PARD3B: variants seen among roughly 807,000 people sequenced by gnomAD.
The protein encoded by PARD3B is partitioning defective 3 homolog B.
A neutral mutation model predicts 130.2 loss-of-function variants in PARD3B; 103 were observed. The ratio of observed to expected loss-of-function variants is 0.79; its 90% CI spans 0.67 to 0.93. The LOEUF is 0.93. PARD3B is among the 40% of genes least tolerant of loss of function. The pLI is 0.00. For synonymous variants in PARD3B, 583 were observed against 553.2 expected, an observed-to-expected ratio of 1.05 and a Z score of -0.76; for missense variants, 1,609 against 1,499.2, an observed-to-expected ratio of 1.07 and a Z score of -1.21.
chr2:204,904,357 A>G (rs1418082084), intron 2 of PARD3B, among the ~76,000 whole-genome samples: 1 of 152,170 alleles, frequency 6.6e-6, no homozygotes, highest in African/African-American at 2.4e-5. Flanking sequence ...TACCTTGTGC[A>G]TGTTTTTAAA....
intron 22 of PARD3B, among the ~76,000 whole-genome samples, chr2:205,600,743 G>A (rs1318128751): frequency 1.3e-5 from 2 of 152,190 alleles, no homozygotes; most frequent in African/African-American, 4.8e-5. Context: ...CTGTAAGTGA[G>A]AATATACGGT....
At chr2:205,027,337 T>C (rs1347251854) in intron 3 of PARD3B, among the ~76,000 whole-genome samples, 1 of 152,162 alleles carries the variant, frequency 6.6e-6, no homozygotes, top group Non-Finnish European at 1.5e-5. Context: ...TTTTTATATA[T>C]CTGTTGGCCA....
intron 2 of PARD3B, among the ~76,000 whole-genome samples, chr2:204,754,277 A>G (rs1203981522): frequency 6.6e-6 from 1 of 152,184 alleles, no homozygotes; most frequent in East Asian, 1.9e-4. Flanking sequence ...ACATTCTTCA[A>G]TTTGAAATGT....
chr2:205,059,918 A>G (rs758247905), intron 4 of PARD3B, among the ~76,000 whole-genome samples: 25 of 152,082 alleles, frequency 1.6e-4, no homozygotes, highest in Non-Finnish European at 3.2e-4. Flanking sequence ...AATTATTAAT[A>G]TATGTGTTCA....
At chr2:205,614,719 A>T (rs866608376) in intron 22 of PARD3B, among the ~76,000 whole-genome samples, 35 of 143,934 alleles carry the variant, frequency 2.4e-4, no homozygotes, top group African/African-American at 9.1e-4. Flanking sequence ...AAAAAAATTA[A>T]AAAAAAAAAA....
intron 3 of PARD3B, among the ~76,000 whole-genome samples, chr2:205,037,408 ATATG>A (rs1337193607): frequency 2.0e-5 from 3 of 147,444 alleles, no homozygotes; most frequent in East Asian, 2.0e-4. Context: ...ATAGTGGACT[ATATG>A]TATAAAATAT....
At chr2:204,969,783 A>G (rs745603996) in intron 3 of PARD3B, among the ~76,000 whole-genome samples, 7 of 152,218 alleles carry the variant, frequency 4.6e-5, no homozygotes, top group Non-Finnish European at 8.8e-5. Context: ...AAATTAATAA[A>G]TAGATACTAT....
chr2:204,814,174 T>C (rs75304439), intron 2 of PARD3B, among the ~76,000 whole-genome samples: 2,651 of 152,102 alleles, frequency 0.017, 35 homozygotes, highest in Middle Eastern at 0.059. Flanking sequence ...AGATCTTTGT[T>C]ACTTATTTGA....
Position 205,268,372 on chromosome 2 carries a change from T to A in PARD3B, c.2185+22550T>A, listed in dbSNP as rs1025409686. On this transcript the variant is annotated intron_variant, in intron 16 of 22. Transcript: ENST00000406610. This position sits in a 1 kb window ranked among gnomAD's most constrained non-coding sequence, Gnocchi z 4.1. ...AATAAGCATCAACTTGGAAATCAAA[T>A]TGACTTTTTTCTTAACACTGAACAA... 1.3e-5 allele frequency among the ~76,000 whole-genome samples: 2 copies of A among 152,208 alleles called. No homozygotes were observed. The highest frequency in any genetic ancestry group is 4.8e-5 in the African/African-American group (2 of 41,454).
chr2:204,608,455 C>A (rs2033807801), intron 1 of PARD3B, among the ~76,000 whole-genome samples: 1 of 152,202 alleles, frequency 6.6e-6, no homozygotes, highest in Non-Finnish European at 1.5e-5. Context: ...AGCTGTGCAG[C>A]ATGCTCCTTT....
At chr2:204,705,255 C>T (rs1384570184) in intron 2 of PARD3B, among the ~76,000 whole-genome samples, 2 of 152,150 alleles carry the variant, frequency 1.3e-5, no homozygotes, top group Non-Finnish European at 2.9e-5. Flanking sequence ...ACGTGAAAGA[C>T]AAGGGTCTCC....
chr2:205,574,136 T>C (rs963447870), intron 22 of PARD3B, among the ~76,000 whole-genome samples: 6 of 152,214 alleles, frequency 3.9e-5, no homozygotes, highest in Non-Finnish European at 7.3e-5. Flanking sequence ...AAGTCATTTT[T>C]AGAAAGAACA....
chr2:204,829,954 G>A lies in PARD3B; in HGVS notation c.223-135198G>A, dbSNP rs558257494. On this transcript the variant is annotated intron_variant, in intron 2 of 22. Transcript: ENST00000406610. Reference sequence around the variant, plus strand: ...GCGGAGCTTGCAGTGAGCCGAGATCGCGCCACTGCACTCCAGCCTGGGCGA... The same window carrying A: ...GCGGAGCTTGCAGTGAGCCGAGATCACGCCACTGCACTCCAGCCTGGGCGA... Among the ~76,000 whole-genome samples the A allele has an allele frequency of 5.2e-3, 733 of 140,826 alleles. 9 individuals are homozygous for A. Among genetic ancestry groups the A allele is most frequent in the African/African-American group, 0.019 (683 of 36,620 alleles). The allele number at this position is 140,826 out of a possible 152,430, so 92.4% of individuals were successfully genotyped here.
At chr2:205,337,980 T>A (rs1171123517) in intron 18 of PARD3B, among the ~76,000 whole-genome samples, 5 of 151,546 alleles carry the variant, frequency 3.3e-5, no homozygotes, top group African/African-American at 7.3e-5. Flanking sequence ...AAACCCCGTC[T>A]CTACTTTTAG....
intron 2 of PARD3B, among the ~76,000 whole-genome samples, chr2:204,741,436 G>A (rs750141894): frequency 6.6e-6 from 1 of 152,054 alleles, no homozygotes; most frequent in Non-Finnish European, 1.5e-5. Flanking sequence ...ACAGAAATGT[G>A]TTATAGTAGC....
intron 2 of PARD3B, among the ~76,000 whole-genome samples, chr2:204,903,357 A>G (rs2046936245): frequency 6.6e-6 from 1 of 152,206 alleles, no homozygotes; most frequent in African/African-American, 2.4e-5. Context: ...ACATTGTGTT[A>G]TGTATTTGAA....
intron 3 of PARD3B, among the ~76,000 whole-genome samples, chr2:205,006,332 G>A (rs1187927837): frequency 1.3e-5 from 2 of 152,134 alleles, no homozygotes; most frequent in African/African-American, 4.8e-5. Context: ...ATACTAAGTA[G>A]TGAGATTGCT....
chr2:205,476,380 A>G (rs889575128), intron 20 of PARD3B, among the ~76,000 whole-genome samples: 2 of 152,108 alleles, frequency 1.3e-5, no homozygotes, highest in African/African-American at 4.8e-5. Context: ...ATCACCGGTG[A>G]AAAGCCACAG....
chr2:204,889,776 T>C (rs1039579305), intron 2 of PARD3B, among the ~76,000 whole-genome samples: 40 of 152,238 alleles, frequency 2.6e-4, no homozygotes, highest in Non-Finnish European at 8.8e-5. Flanking sequence ...GGCTTACTTT[T>C]TACATCCAGT....
Sources: gnomAD v4.1 joint callset for allele counts (sites outside exome capture counted in the v4.1 genomes callset) on GRCh38, gnomAD v4.1.1 for gene constraint, Gnocchi (gnomAD v3.1) non-coding constraint, MANE v1.5 for transcripts, NCBI Gene and HGNC (gene_info 2026-07-23, HGNC 2026-07-21) for gene names.